Variants in TP73 observed in about 807,000 individuals in gnomAD.
TP73 encodes tumor protein p73.
TP73 carries 25 observed loss-of-function variants against 62.5 expected under a neutral mutation model. The ratio of observed to expected loss-of-function variants is 0.40; its 90% CI spans 0.29 to 0.56. TP73 has a LOEUF of 0.56. Ranked by LOEUF, TP73 falls within the 20% of genes least tolerant of loss-of-function variation. The probability of loss-of-function intolerance (pLI) is 0.46; values close to 1 mark genes in which losing one functional copy is unlikely to be tolerated. For missense variants in TP73, 754 were observed against 913.3 expected (o/e 0.83, Z 2.25); for synonymous variants, 423 against 377.5 (o/e 1.12, Z -1.40).
Position 3,727,103 on chromosome 1 carries a change from C to T in TP73, c.733-12C>T, listed in dbSNP as rs752775204. 1.2e-6 allele frequency: 2 copies of T among 1,608,228 alleles called. No individual in the cohort carries two copies. The highest frequency in any genetic ancestry group is 3.3e-5 in the Admixed American group (2 of 59,732). On this transcript the variant is annotated splice_polypyrimidine_tract_variant and intron_variant, in intron 6 of 13. Transcript: ENST00000378295. The stretch of plus-strand genomic sequence containing the variant: ...CTGATGCTAGCCCCTCTCCCTGCTC[C>T]CCCATGTGCAGGTGGGGACGGAATT...
intron 1 of TP73, among the ~76,000 whole-genome samples, chr1:3,656,571 A>C (rs1221815522): frequency 6.6e-6 from 1 of 152,236 alleles, no homozygotes; most frequent in East Asian, 1.9e-4. Context: ...GAGGAAACTG[A>C]GGCTTCAACT....
chr1:3,727,987 C>G (rs1641813233), intron 8 of TP73, 142 bp from the exon 9 acceptor site: 1 of 1,165,036 alleles, frequency 8.6e-7, no homozygotes, highest in East Asian at 2.5e-5. Flanking sequence ...GCAGGTTTGC[C>G]CGTCCCTGTG....
At chr1:3,690,618 G>C in intron 3 of TP73, 1 of 1,312,674 alleles carries the variant, frequency 7.6e-7, no homozygotes, top group Non-Finnish European at 9.8e-7. Flanking sequence ...GCCTGCCCCG[G>C]ACTTGGATGA....
At chr1:3,710,095 C>A (rs1272895430) in intron 4 of TP73, among the ~76,000 whole-genome samples, 1 of 151,030 alleles carries the variant, frequency 6.6e-6, no homozygotes, top group Non-Finnish European at 1.5e-5. Flanking sequence ...GCATCCCGGG[C>A]TGGTCAGCTG....
Position 3,733,103 on chromosome 1 carries a change from C to T in TP73, c.*24C>T, listed in dbSNP as rs1011987022. On this transcript the variant is annotated 3_prime_UTR_variant, in exon 14 of 14. Coordinates refer to ENST00000378295, the MANE Select transcript of TP73 (RefSeq NM_005427.4). ...GAGGGCCTCGCCTGGCTGCAGCCTG[C>T]GCCACCGCCCAGAGACCCAAGCTGC... is the stretch of plus-strand genomic sequence containing the variant. 7 of 1,507,580 alleles carry T rather than the reference C, an allele frequency of 4.6e-6. No individual in the cohort carries two copies. Among genetic ancestry groups the T allele is most frequent in the South Asian group, 1.2e-5 (1 of 80,266 alleles). The allele number at this position is 1,507,580 out of a possible 1,614,324, so 93.4% of individuals were successfully genotyped here. A position where few individuals can be genotyped will look rare whatever the true frequency, so the allele number is the denominator to read the frequency against.
chr1:3,653,394 C>G (rs572370175), intron 1 of TP73, among the ~76,000 whole-genome samples: 2 of 152,354 alleles, frequency 1.3e-5, no homozygotes, highest in Admixed American at 1.3e-4. Flanking sequence ...GGGGCTTGGA[C>G]TTGGGGAGCG....
At chr1:3,659,268 CCGAGCATCTT>C (rs1644938287) in intron 1 of TP73, 1 of 152,002 alleles carries the variant, frequency 6.6e-6, no homozygotes, top group African/African-American at 2.4e-5. Context: ...ATGTTGGGCT[CCGAGCATCTT>C]CTGCGGTTTG....
intron 3 of TP73, among the ~76,000 whole-genome samples, chr1:3,702,767 C>T (rs973326560): frequency 2.6e-5 from 4 of 152,208 alleles, no homozygotes; most frequent in South Asian, 4.1e-4. Flanking sequence ...CACTTGTGGC[C>T]GCCGCGGGCC....
Position 3,707,586 on chromosome 1 carries a change from T to C in TP73, c.224T>C (p.Met75Thr), listed in dbSNP as rs1639773380. The C allele has an allele frequency of 6.2e-7, 1 of 1,612,332 alleles. No homozygotes were observed. Among genetic ancestry groups the C allele is most frequent in the East Asian group, 2.2e-5 (1 of 44,844 alleles). Residue 75 changes from methionine (M) to threonine (T), a missense_variant, in exon 4 of 14, where the codon ATG (methionine) becomes ACG (threonine). Coordinates refer to ENST00000378295, the MANE Select transcript of TP73 (RefSeq NM_005427.4). ...CTGCTGAGCAGCACCATGGACCAGATGAGCAGCCGCGCGGCCTCGGCCAGC... is the reference window on the plus strand; with the variant it reads ...CTGCTGAGCAGCACCATGGACCAGACGAGCAGCCGCGCGGCCTCGGCCAGC... ...FNLLSSTMDQMSSRAASASPY... is the reference protein window; with the variant it reads ...FNLLSSTMDQTSSRAASASPY...
chr1:3,685,170 C>A (rs1645621262), intron 3 of TP73, among the ~76,000 whole-genome samples: 1 of 152,200 alleles, frequency 6.6e-6, no homozygotes, highest in Admixed American at 6.5e-5. Context: ...ATGGCACAGA[C>A]CCACCCTGTG....
intron 1 of TP73, among the ~76,000 whole-genome samples, chr1:3,654,817 G>A (rs1473344517): frequency 6.6e-6 from 1 of 152,256 alleles, no homozygotes; most frequent in Admixed American, 6.5e-5. Flanking sequence ...TATGCACTGG[G>A]GCAAGGATGC....
intron 9 of TP73, 49 bp from the exon 10 acceptor site, chr1:3,729,278 C>A (rs748066876): frequency 5.9e-5 from 95 of 1,610,426 alleles, no homozygotes; most frequent in Non-Finnish European, 7.9e-5. Context: ...CACCCCCCTC[C>A]CGTGGGGGTC....
At chr1:3,667,290 G>C (rs1449310284) in intron 1 of TP73, among the ~76,000 whole-genome samples, 1 of 152,226 alleles carries the variant, frequency 6.6e-6, no homozygotes, top group African/African-American at 2.4e-5. Context: ...CCGCAGTTTG[G>C]CTTTAGCTCC....
intron 5 of TP73, among the ~76,000 whole-genome samples, chr1:3,723,087 GC>G (rs1311912090): frequency 6.8e-6 from 1 of 147,282 alleles, no homozygotes; most frequent in Admixed American, 6.8e-5. Flanking sequence ...ACTGGGCTGG[GC>G]ACCTCTGCAC....
intron 3 of TP73, among the ~76,000 whole-genome samples, chr1:3,704,290 G>A (rs763105655): frequency 1.3e-5 from 2 of 152,220 alleles, no homozygotes; most frequent in African/African-American, 2.4e-5. Context: ...CCTGTAATCA[G>A]TAGGAAATGG....
intron 3 of TP73, among the ~76,000 whole-genome samples, chr1:3,698,583 G>A (rs1194504863): frequency 6.6e-6 from 1 of 152,192 alleles, no homozygotes; most frequent in African/African-American, 2.4e-5. Context: ...GGGGGCAGAA[G>A]CTGAGGGACG....
At chr1:3,702,079 C>T (rs1215844267) in intron 3 of TP73, among the ~76,000 whole-genome samples, 1 of 152,208 alleles carries the variant, frequency 6.6e-6, no homozygotes, top group East Asian at 1.9e-4. Flanking sequence ...GCCACCACTT[C>T]CTGCCCACCT....
At position 3,728,203 on chromosome 1, in the gene TP73, AC is replaced by A; in HGVS notation, c.1061del (p.Thr354SerfsTer15). ...GAAGCGGCGGCATGGAGACGAGGAC[AC>A]GTACTACCTTCAGGTGAGTGTGTGC... The part of the protein sequence containing the change: ...VKKRRHGDED[T>X]YYLQVRGREN... On this transcript the variant is annotated frameshift_variant, in exon 9 of 14. Transcript: ENST00000378295. LOFTEE classifies it high-confidence loss of function. 1 of 1,611,840 alleles carries A rather than the reference AC, an allele frequency of 6.2e-7. No homozygotes were observed. The highest frequency in any genetic ancestry group is 8.5e-7 in the Non-Finnish European group (1 of 1,179,958).
chr1:3,708,074 G>T, intron 4 of TP73: 1 of 526,946 alleles, frequency 1.9e-6, no homozygotes, highest in South Asian at 2.3e-5. Context: ...GCCAAGACTG[G>T]CCAGCGGCTT....
Sources: gnomAD v4.1 joint callset for allele counts (sites outside exome capture counted in the v4.1 genomes callset) on GRCh38, gnomAD v4.1.1 for gene constraint, MANE v1.5 for transcripts, NCBI Gene and HGNC (gene_info 2026-07-23, HGNC 2026-07-21) for gene names.